The following CADPS variants were observed in gnomAD, a reference collection of about 807,000 sequenced individuals.
The protein encoded by CADPS is calcium-dependent secretion activator 1.
CADPS carries 57 observed loss-of-function variants against 167.3 expected under a neutral mutation model. That is an observed-to-expected ratio of 0.34 (90% CI 0.28 to 0.42). The LOEUF (loss-of-function observed/expected upper bound fraction) is 0.42, where lower values mean the gene tolerates loss of function less well. Ranked by LOEUF, CADPS falls within the 20% of genes least tolerant of loss-of-function variation. CADPS has a pLI of 1.00. For synonymous variants in CADPS, 676 were observed against 635.3 expected, an observed-to-expected ratio of 1.06 and a Z score of -0.96; for missense variants, 1,414 against 1,738.1, an observed-to-expected ratio of 0.81 and a Z score of 3.32.
chr3:62,565,866 A>T (rs1224248675), intron 9 of CADPS, among the ~76,000 whole-genome samples: 1 of 152,222 alleles, frequency 6.6e-6, no homozygotes, highest in African/African-American at 2.4e-5. Context: ...AGGAAATCTC[A>T]GTCAGGGAGA....
rs192447111 is a variant in CADPS, at chr3:62,475,172, C to T, written c.3330-852G>A. Among the ~76,000 whole-genome samples, 34 of 152,272 alleles carry T rather than the reference C, an allele frequency of 2.2e-4. 1 individual carries two copies. In the East Asian group the frequency reaches 6.6e-3, roughly 29 times the overall value. The stretch of plus-strand genomic sequence containing the variant: ...GTCAAATTAGGATCTCAGCAATGTG[C>T]TAACAACTCATAGAAAAAGCCTAGC... On this transcript the variant is annotated intron_variant, in intron 23 of 29. Coordinates refer to ENST00000383710, the MANE Select transcript of CADPS (RefSeq NM_003716.4).
In CADPS at chr3:62,420,469, G is replaced by T. The variant is rs2051057711; in HGVS notation, c.3778-17284C>A. Among the ~76,000 whole-genome samples the T allele has an allele frequency of 6.6e-6, 1 of 152,170 alleles. No homozygotes were observed. The highest frequency in any genetic ancestry group is 2.1e-4 in the South Asian group (1 of 4,828). ...CAGATGGTGGTCCAGGAGCTGGGAG[G>T]GGTGTTGGGTTTCAGAAGAGAAGGC... On this transcript the variant is annotated intron_variant, in intron 28 of 29. Coordinates refer to ENST00000383710, the MANE Select transcript of CADPS (RefSeq NM_003716.4). This position sits in a 1 kb window ranked among gnomAD's most constrained non-coding sequence, Gnocchi z 4.1.
At chr3:62,579,392 A>G (rs549973883) in intron 8 of CADPS, among the ~76,000 whole-genome samples, 1 of 152,338 alleles carries the variant, frequency 6.6e-6, no homozygotes, top group African/African-American at 2.4e-5. Context: ...TGAAGGTCCT[A>G]TGAAAAAAGG....
At chr3:62,489,012 AT>A (rs997547689) in intron 21 of CADPS, among the ~76,000 whole-genome samples, 8 of 151,902 alleles carry the variant, frequency 5.3e-5, no homozygotes, top group Admixed American at 1.3e-4. Flanking sequence ...AAGAGTTCAA[AT>A]TTTTTTTTAA....
chr3:62,492,473 G>A (rs528640758), intron 19 of CADPS, 27 bp from the exon 20 acceptor site: 3 of 1,606,212 alleles, frequency 1.9e-6, no homozygotes, highest in South Asian at 1.1e-5. Flanking sequence ...AAAAACAATA[G>A]ACAAAGAAGT....
chr3:62,822,930 G>A (rs2073279191), intron 1 of CADPS, among the ~76,000 whole-genome samples: 1 of 152,162 alleles, frequency 6.6e-6, no homozygotes, highest in Admixed American at 6.5e-5. Context: ...GGGAAATGAT[G>A]GAAAGAAATT....
At chr3:62,715,753 CTTTTTTT>C (rs71123291) in intron 3 of CADPS, among the ~76,000 whole-genome samples, 9 of 89,716 alleles carry the variant, frequency 1.0e-4, no homozygotes, top group Non-Finnish European at 6.1e-5. Flanking sequence ...GATTATAAAT[CTTTTTTT>C]TTTTTTTTTT....
At chr3:62,733,742 G>A (rs567789328) in intron 3 of CADPS, among the ~76,000 whole-genome samples, 509 of 152,006 alleles carry the variant, frequency 3.3e-3, no homozygotes, top group Middle Eastern at 0.01. Context: ...TTTTGGTTAC[G>A]TGGATAAGTC....
chr3:62,662,408 C>G lies in CADPS; in HGVS notation c.889-14G>C. 1 of 1,613,166 alleles carries G rather than the reference C, an allele frequency of 6.2e-7. No homozygotes were observed. The highest frequency in any genetic ancestry group is 8.5e-7 in the Non-Finnish European group (1 of 1,179,260). ...TGGATTGTCCAGCTGCACAAAAGCACAGACATTGAGACTTTTAGTTTGGGT... is the reference window on the plus strand; with the variant it reads ...TGGATTGTCCAGCTGCACAAAAGCAGAGACATTGAGACTTTTAGTTTGGGT... On this transcript the variant is annotated splice_polypyrimidine_tract_variant and intron_variant, in intron 3 of 29. Coordinates refer to ENST00000383710, the MANE Select transcript of CADPS (RefSeq NM_003716.4).
At chr3:62,555,230 A>G (rs548321228) in intron 10 of CADPS, among the ~76,000 whole-genome samples, 2 of 151,984 alleles carry the variant, frequency 1.3e-5, no homozygotes, top group East Asian at 3.9e-4. Flanking sequence ...ACATCTTTCC[A>G]TTTACATCTT....
intron 27 of CADPS, among the ~76,000 whole-genome samples, chr3:62,443,687 C>A (rs945794323): frequency 6.6e-6 from 1 of 152,074 alleles, no homozygotes; most frequent in African/African-American, 2.4e-5. Context: ...TGAAGAAGGA[C>A]GTGTTTGCTT....
intron 26 of CADPS, among the ~76,000 whole-genome samples, chr3:62,464,423 T>C (rs2059716556): frequency 6.6e-6 from 1 of 152,164 alleles, no homozygotes; most frequent in Non-Finnish European, 1.5e-5. Flanking sequence ...TTCCCTTTCC[T>C]ATGGTGTTGT....
chr3:62,575,901 C>T (rs955218559), intron 8 of CADPS, among the ~76,000 whole-genome samples: 7 of 152,130 alleles, frequency 4.6e-5, no homozygotes, highest in African/African-American at 1.7e-4. Flanking sequence ...AGGTTTTCCT[C>T]GGAATTTATT....
At chr3:62,847,324 T>A (rs1387296682) in intron 1 of CADPS, among the ~76,000 whole-genome samples, 1 of 142,310 alleles carries the variant, frequency 7.0e-6, no homozygotes, top group Admixed American at 7.0e-5. Context: ...CATGTGCACA[T>A]TGTGCAGGTT....
rs1310263585 is a variant in CADPS at position 62,514,306 on chromosome 3, TG to T, written c.2582-1539del. ...CCTGATACATGCAGCCAGAGGATGT[TG>T]GGTTGTCTGAATTAACAATCCCAGC... On this transcript the variant is annotated intron_variant, in intron 16 of 29. Transcript: ENST00000383710. The surrounding 1 kb of genome is among the most constrained non-coding windows in gnomAD (Gnocchi z 4.2). Among the ~76,000 whole-genome samples, 6 of 152,084 alleles carry T rather than the reference TG, an allele frequency of 3.9e-5. No homozygotes were observed. The highest frequency in any genetic ancestry group is 8.8e-5 in the Non-Finnish European group (6 of 67,976).
intron 18 of CADPS, among the ~76,000 whole-genome samples, chr3:62,494,537 A>G (rs1251105452): frequency 6.6e-6 from 1 of 152,214 alleles, no homozygotes; most frequent in Non-Finnish European, 1.5e-5. Context: ...GGGAAGACTG[A>G]GTTGCCTCCC....
intron 23 of CADPS, among the ~76,000 whole-genome samples, chr3:62,476,009 C>T (rs148950949): frequency 5.9e-5 from 9 of 152,166 alleles, no homozygotes; most frequent in East Asian, 1.9e-4. Flanking sequence ...AGGACCAAAA[C>T]GCCAGAAAAG....
At chr3:62,614,059 A>C (rs2061893375) in intron 6 of CADPS, among the ~76,000 whole-genome samples, 1 of 152,298 alleles carries the variant, frequency 6.6e-6, no homozygotes, top group African/African-American at 2.4e-5. Context: ...GTTAAACTCA[A>C]GGCTGAGTAA....
At position 62,822,219 on chromosome 3, in the gene CADPS, A is replaced by G. The variant is rs1314906626; in HGVS notation, c.441+52370T>C. Among the ~76,000 whole-genome samples, 3 of 152,220 alleles carry G rather than the reference A, an allele frequency of 2.0e-5. No individual in the cohort carries two copies. The East Asian group carries it at 5.8e-4, about 29-fold the overall frequency. On this transcript the variant is annotated intron_variant, in intron 1 of 29. Coordinates refer to ENST00000383710, the MANE Select transcript of CADPS (RefSeq NM_003716.4). ...ATATTAACAGGTTCTACTCACACAC[A>G]AAGCAGAGGGGATTATTTAAGGGCA...
Sources: allele counts gnomAD v4.1 joint callset (sites outside exome capture counted in the v4.1 genomes callset), GRCh38; gene constraint gnomAD v4.1.1; non-coding constraint Gnocchi (gnomAD v3.1); transcripts MANE v1.5; gene names NCBI Gene and HGNC (gene_info 2026-07-23, HGNC 2026-07-21).